Variants in TXK observed in about 807,000 individuals in gnomAD.
TXK encodes the protein TXK tyrosine kinase, also known as tyrosine-protein kinase TXK.
In TXK, 60 loss-of-function variants were observed where a neutral mutation model predicts 81.0. The ratio of observed to expected loss-of-function variants is 0.74; its 90% CI spans 0.60 to 0.92. TXK has a LOEUF of 0.92. Ranked by LOEUF, TXK falls within the 40% of genes least tolerant of loss-of-function variation. The pLI, the probability that TXK is intolerant of heterozygous loss-of-function variation, is 0.00. For synonymous variants in TXK, 203 were observed against 210.7 expected (o/e 0.96, Z 0.32); for missense variants, 581 against 638.3 (o/e 0.91, Z 0.97).
chr4:48,089,405 T>G (rs1348180308), intron 9 of TXK: 3 of 159,664 alleles, frequency 1.9e-5, no homozygotes, highest in African/African-American at 7.2e-5. Flanking sequence ...TTTCCTTTTT[T>G]TTTGAGACAG....
intron 6 of TXK, among the ~76,000 whole-genome samples, chr4:48,102,608 CCT>C (rs1718240302): frequency 6.6e-6 from 1 of 152,080 alleles, no homozygotes; most frequent in South Asian, 2.1e-4. Context: ...CTGCACATAC[CCT>C]GTGACCACAT....
At chr4:48,118,323 T>A (rs1244181033) in intron 1 of TXK, among the ~76,000 whole-genome samples, 1 of 152,178 alleles carries the variant, frequency 6.6e-6, no homozygotes, top group Non-Finnish European at 1.5e-5. Context: ...TTTTCTCCCA[T>A]AAGCTGTTGG....
chr4:48,097,487 C>G (rs1003135848), intron 6 of TXK, among the ~76,000 whole-genome samples: 4 of 148,960 alleles, frequency 2.7e-5, no homozygotes, highest in Non-Finnish European at 5.9e-5. Context: ...GGCGCCATCT[C>G]GGCTCACTGC....
intron 1 of TXK, among the ~76,000 whole-genome samples, chr4:48,126,714 A>C (rs1006442961): frequency 5.3e-5 from 8 of 152,186 alleles, no homozygotes; most frequent in African/African-American, 1.7e-4. Flanking sequence ...ACATTGGCCA[A>C]GCTAGTCTCA....
chr4:48,093,007 A>T (rs1480281615), intron 8 of TXK, among the ~76,000 whole-genome samples: 2 of 152,166 alleles, frequency 1.3e-5, no homozygotes, highest in African/African-American at 4.8e-5. Context: ...CCCTCATCTA[A>T]CCTCATTTAA....
chr4:48,095,006 A>G (rs1717928365), intron 7 of TXK, 137 bp downstream of exon 7: 1 of 698,070 alleles, frequency 1.4e-6, no homozygotes, highest in South Asian at 1.6e-5. Flanking sequence ...TGCTAGGGAT[A>G]TATCACGGAC....
At position 48,120,429 on chromosome 4, in the gene TXK, G is replaced by A. The variant is rs191429023; in HGVS notation, c.17-6027C>T. On this transcript the variant is annotated intron_variant, in intron 1 of 14. Coordinates refer to ENST00000264316, the MANE Select transcript of TXK (RefSeq NM_003328.3). ...AGCTGTTAAAAACAAAACAAACTAC[G>A]CGTGATCTTATTTCCCTCATTGATT... Among the ~76,000 whole-genome samples the A allele has an allele frequency of 3.3e-4, 50 of 150,798 alleles. 1 individual carries two copies. The highest frequency in any genetic ancestry group is 1.3e-3 in the Admixed American group (20 of 15,122).
chr4:48,109,794 A>G (rs1168728271), intron 5 of TXK, among the ~76,000 whole-genome samples: 1 of 152,124 alleles, frequency 6.6e-6, no homozygotes, highest in African/African-American at 2.4e-5. Flanking sequence ...ATTCAATTGT[A>G]TTTGCTGCCT....
In TXK at chr4:48,095,782, G is replaced by A. The variant is rs566304418; in HGVS notation, c.502-560C>T. On this transcript the variant is annotated intron_variant, in intron 6 of 14. Coordinates refer to ENST00000264316, the MANE Select transcript of TXK (RefSeq NM_003328.3). ...GGGTATGGGAAGATAAAAAGAAGTG[G>A]TAAAAGGGAGAACATGATAGTAAAT... is the stretch of plus-strand genomic sequence containing the variant. Among the ~76,000 whole-genome samples the A allele has an allele frequency of 3.9e-5, 6 of 152,236 alleles. No individual in the cohort carries two copies. In the South Asian group the frequency reaches 1.2e-3, roughly 32 times the overall value.
In TXK at chr4:48,113,283, C is replaced by T; in HGVS notation, c.98G>A (p.Ser33Asn). 6.2e-7 allele frequency: 1 copy of T among 1,612,460 alleles called. No individual in the cohort carries two copies. The highest frequency in any genetic ancestry group is 8.5e-7 in the Non-Finnish European group (1 of 1,178,876). ...TTTTTCTGGAAGCTCTTCATCTGTG[C>T]TCAGGCTTATCTGTGTTCTCATTTG... ...KRQMRTQISL[S>N]TDEELPEKYT... Residue 33 changes from serine (S) to asparagine (N), a missense_variant, in exon 3 of 15, where the codon AGC (serine) becomes AAC (asparagine). Transcript: ENST00000264316.
In TXK at chr4:48,066,971, G is replaced by C. The variant is rs1035232252; in HGVS notation, c.*666C>G. On this transcript the variant is annotated 3_prime_UTR_variant, in exon 15 of 15. Coordinates refer to ENST00000264316, the MANE Select transcript of TXK (RefSeq NM_003328.3). ...TTTCCTGGAAATAGAATGTCACCGG[G>C]ATCTGTTCAAAGGTGAGCTTTGGCT... 1 of 152,152 alleles carries C rather than the reference G, an allele frequency of 6.6e-6. No individual in the cohort carries two copies. The highest frequency in any genetic ancestry group is 2.4e-5 in the African/African-American group (1 of 41,434). The allele number at this position is 152,152 out of a possible 1,614,324, so 9.4% of individuals were successfully genotyped here. A position where few individuals can be genotyped will look rare whatever the true frequency, so the allele number is the denominator to read the frequency against.
At chr4:48,095,097 T>G in intron 7 of TXK, 46 bp downstream of exon 7, 1 of 1,418,384 alleles carries the variant, frequency 7.1e-7, no homozygotes, top group South Asian at 1.2e-5. Context: ...TGATGGAGAC[T>G]GTGCCAGGGA....
intron 1 of TXK, among the ~76,000 whole-genome samples, chr4:48,133,678 A>G (rs904395330): frequency 4.6e-5 from 7 of 152,214 alleles, no homozygotes; most frequent in African/African-American, 1.4e-4. Context: ...TCAGAGTATA[A>G]ACACAGTTGT....
Position 48,073,582 on chromosome 4 carries a change from T to C in TXK, c.1357+353A>G, listed in dbSNP as rs80146907. ...TCAACCTGCTTCACAGTTTAGACAA[T>C]TAAGTTTATTAATTACACTCTAAAC... is the stretch of plus-strand genomic sequence containing the variant. On this transcript the variant is annotated intron_variant, in intron 13 of 14. Transcript: ENST00000264316. Among the ~76,000 whole-genome samples, 1,077 of 152,320 alleles carry C rather than the reference T, an allele frequency of 7.1e-3. 12 individuals carry two copies. The highest frequency in any genetic ancestry group is 0.024 in the African/African-American group (987 of 41,562).
chr4:48,067,304 T>C lies in TXK; in HGVS notation c.*333A>G, dbSNP rs16860908. 5.0e-3 allele frequency: 1,204 copies of C among 239,156 alleles called. 10 individuals carry two copies. The highest frequency in any genetic ancestry group is 0.021 in the African/African-American group (925 of 44,344). 14.8% of individuals were successfully genotyped at this position (239,156 alleles called of 1,614,324 possible). A position where few individuals can be genotyped will look rare whatever the true frequency, so the allele number is the denominator to read the frequency against. On this transcript the variant is annotated 3_prime_UTR_variant, in exon 15 of 15. Coordinates refer to ENST00000264316, the MANE Select transcript of TXK (RefSeq NM_003328.3). ...TTCAAGAAGGAAGCACTCTCAGCCT[T>C]GTGAAGAAGAACCTCAAGGGTTCCT... is the stretch of plus-strand genomic sequence containing the variant.
chr4:48,129,010 A>C (rs2109488723), intron 1 of TXK, among the ~76,000 whole-genome samples: 1 of 152,256 alleles, frequency 6.6e-6, no homozygotes, highest in Admixed American at 6.5e-5. Flanking sequence ...AGGAGTTAGA[A>C]AAGACTTCCA....
chr4:48,087,590 C>A (rs549542287), intron 9 of TXK, among the ~76,000 whole-genome samples: 1 of 152,092 alleles, frequency 6.6e-6, no homozygotes, highest in Non-Finnish European at 1.5e-5. Flanking sequence ...CACGCCATCA[C>A]GCCTTGATAA....
chr4:48,120,005 A>C (rs1235595067), intron 1 of TXK, among the ~76,000 whole-genome samples: 1 of 152,028 alleles, frequency 6.6e-6, no homozygotes, highest in East Asian at 1.9e-4. Context: ...ATTCAAATTC[A>C]AAATTTTAAA....
At chr4:48,105,069 A>G in intron 5 of TXK, 114 bp from the exon 6 acceptor site, 2 of 665,010 alleles carry the variant, frequency 3.0e-6, no homozygotes. Flanking sequence ...TAGAAAGTTG[A>G]GTGTTTTTTT....
Sources: gnomAD v4.1 joint callset for allele counts (sites outside exome capture counted in the v4.1 genomes callset) on GRCh38, gnomAD v4.1.1 for gene constraint, MANE v1.5 for transcripts, NCBI Gene and HGNC (gene_info 2026-07-23, HGNC 2026-07-21) for gene names.